The following NAV3 variants were observed in gnomAD, a reference collection of about 807,000 sequenced individuals.
NAV3 encodes neuron navigator 3.
NAV3 carries 87 observed loss-of-function variants against 244.7 expected under a neutral mutation model. The observed-to-expected ratio is 0.36, with a 90% CI of 0.30 to 0.42. The LOEUF (loss-of-function observed/expected upper bound fraction) is 0.42, where lower values mean the gene tolerates loss of function less well. NAV3 is among the 20% of genes least tolerant of loss of function. The pLI is 1.00. For missense variants in NAV3, 2,663 were observed against 2,893.3 expected, an observed-to-expected ratio of 0.92 and a Z score of 1.83; for synonymous variants, 1,126 against 1,042.2, an observed-to-expected ratio of 1.08 and a Z score of -1.55.
intron 12 of NAV3, among the ~76,000 whole-genome samples, chr12:78,107,541 A>C (rs561012373): frequency 6.6e-6 from 1 of 152,302 alleles, no homozygotes; most frequent in African/African-American, 2.4e-5. Context: ...TATCAGACTG[A>C]CAGCAAATTT....
chr12:78,137,801 C>T (rs1458637188), intron 19 of NAV3, among the ~76,000 whole-genome samples: 1 of 152,104 alleles, frequency 6.6e-6, no homozygotes, highest in Non-Finnish European at 1.5e-5. Context: ...TTTATTATAT[C>T]ATTTTAGAAT....
intron 18 of NAV3, among the ~76,000 whole-genome samples, chr12:78,132,163 T>C (rs977472920): frequency 6.6e-6 from 1 of 152,182 alleles, no homozygotes; most frequent in Non-Finnish European, 1.5e-5. Context: ...TGAATGGTTC[T>C]GTAGCACACT....
intron 12 of NAV3, among the ~76,000 whole-genome samples, chr12:78,060,585 A>G (rs2137437436): frequency 6.6e-6 from 1 of 152,320 alleles, no homozygotes; most frequent in African/African-American, 2.4e-5. Flanking sequence ...GAGTGAATGA[A>G]CAAATTAATG....
intron 2 of NAV3, among the ~76,000 whole-genome samples, chr12:77,708,641 T>G (rs1281277499): frequency 4.6e-5 from 7 of 152,184 alleles, no homozygotes; most frequent in East Asian, 1.9e-4. Context: ...ATCTATAAAT[T>G]ACCTTGGGCA....
chr12:77,876,090 C>T (rs1029660830), intron 1 of NAV3, among the ~76,000 whole-genome samples: 7 of 151,972 alleles, frequency 4.6e-5, no homozygotes, highest in African/African-American at 1.7e-4. Flanking sequence ...ATTTATGCTT[C>T]TCTCAGTATT....
chr12:77,913,953 T>G (rs1009808536), intron 1 of NAV3, among the ~76,000 whole-genome samples: 1 of 147,316 alleles, frequency 6.8e-6, no homozygotes. Flanking sequence ...AAATATAGTT[T>G]CATTGAATGT....
chr12:78,149,166 C>T (rs1593794702), intron 22 of NAV3, among the ~76,000 whole-genome samples: 2 of 152,142 alleles, frequency 1.3e-5, no homozygotes, highest in South Asian at 2.1e-4. Context: ...TAGTAACAGC[C>T]ATATGGGTTA....
intron 7 of NAV3, 117 bp from the exon 8 acceptor site, chr12:78,006,300 CTT>C: frequency 1.1e-6 from 1 of 923,568 alleles, no homozygotes; most frequent in Non-Finnish European, 1.6e-6. Flanking sequence ...GCTGCAGTCT[CTT>C]TTCAGTTCAG....
At chr12:77,825,611 G>T (rs540148176) in intron 2 of NAV3, among the ~76,000 whole-genome samples, 40 of 152,214 alleles carry the variant, frequency 2.6e-4, no homozygotes, top group African/African-American at 9.6e-4. Flanking sequence ...AGATAAAGTT[G>T]AAAGAACGGA....
intron 1 of NAV3, among the ~76,000 whole-genome samples, chr12:77,930,397 T>C (rs1888663767): frequency 6.6e-6 from 1 of 152,112 alleles, no homozygotes; most frequent in Non-Finnish European, 1.5e-5. Context: ...TTGCCTCACT[T>C]TTTTATTGTA....
intron 14 of NAV3, among the ~76,000 whole-genome samples, chr12:78,118,653 C>T (rs1955528653): frequency 6.6e-6 from 1 of 152,164 alleles, no homozygotes; most frequent in Non-Finnish European, 1.5e-5. Flanking sequence ...GGAATTTTTA[C>T]ACTAAATATG....
chr12:77,788,162 T>C (rs1379395306), intron 2 of NAV3, among the ~76,000 whole-genome samples: 1 of 152,230 alleles, frequency 6.6e-6, no homozygotes, highest in African/African-American at 2.4e-5. Flanking sequence ...TTGTACTGAA[T>C]ATCAATAGAC....
chr12:77,675,718 C>T (rs1874175656), intron 2 of NAV3, among the ~76,000 whole-genome samples: 1 of 152,194 alleles, frequency 6.6e-6, no homozygotes, highest in Admixed American at 6.5e-5. Flanking sequence ...CAACCACCTT[C>T]CCCTGCTGTG....
rs143039812 is a variant in NAV3 at position 78,159,385 on chromosome 12, T to C, written c.4869+99T>C. ...GCTCCTTAAAAATAATATTCCAGGCTGAGTGCAGAGGCTCATGCCTGTAAT... is the reference window on the plus strand; with the variant it reads ...GCTCCTTAAAAATAATATTCCAGGCCGAGTGCAGAGGCTCATGCCTGTAAT... On this transcript the variant is annotated intron_variant, in intron 23 of 39. Transcript: ENST00000397909. 7.7e-4 allele frequency: 851 copies of C among 1,099,642 alleles called. 6 individuals carry two copies. The African/African-American group carries it at 0.012, about 15-fold the overall frequency. 68.1% of individuals were successfully genotyped at this position (1,099,642 alleles called of 1,614,324 possible).
intron 2 of NAV3, among the ~76,000 whole-genome samples, chr12:77,795,771 T>G (rs908168212): frequency 6.6e-6 from 1 of 152,184 alleles, no homozygotes; most frequent in East Asian, 1.9e-4. Context: ...CTGAAGATCC[T>G]AACTCCCTTA....
chr12:77,768,077 G>A (rs1338258632), intron 2 of NAV3, among the ~76,000 whole-genome samples: 1 of 152,202 alleles, frequency 6.6e-6, no homozygotes, highest in East Asian at 1.9e-4. Flanking sequence ...CCTCAGTGGA[G>A]AGGAGTCCAG....
Position 77,983,291 on chromosome 12 carries a change from G to A in NAV3, c.672-11512G>A, listed in dbSNP as rs77495504. On this transcript the variant is annotated intron_variant, in intron 5 of 39. Transcript: ENST00000397909. ...GACCCTGCTCTGGTGGCAAGAGAAT[G>A]AACAGTTTAATGCTTGCAGATCTGA... is the stretch of plus-strand genomic sequence containing the variant. Among the ~76,000 whole-genome samples the A allele has an allele frequency of 5.9e-5, 9 of 152,260 alleles. No individual in the cohort carries two copies. In the East Asian group the frequency reaches 1.7e-3, roughly 29 times the overall value.
intron 1 of NAV3, among the ~76,000 whole-genome samples, chr12:77,881,488 G>T (rs919594318): frequency 1.3e-5 from 2 of 152,018 alleles, no homozygotes. Flanking sequence ...ATTATACTTG[G>T]TTAAAAAGCT....
chr12:77,639,119 G>A (rs1872281415), intron 2 of NAV3, among the ~76,000 whole-genome samples: 1 of 152,150 alleles, frequency 6.6e-6, no homozygotes, highest in Admixed American at 6.6e-5. Context: ...TTGAGATTAT[G>A]TTTGGGGTAG....
Sources: gnomAD v4.1 joint callset for allele counts (sites outside exome capture counted in the v4.1 genomes callset) on GRCh38, gnomAD v4.1.1 for gene constraint, MANE v1.5 for transcripts, NCBI Gene and HGNC (gene_info 2026-07-23, HGNC 2026-07-21) for gene names.